Variants in ERC1 observed in about 807,000 individuals in gnomAD.
ERC1 encodes ELKS/RAB6-interacting/CAST family member 1.
Under a neutral mutation model 132.0 loss-of-function variants are expected in ERC1, and 56 were observed. The ratio of observed to expected loss-of-function variants is 0.42; its 90% CI spans 0.34 to 0.53. The LOEUF is 0.53. Ranked by LOEUF, ERC1 falls within the 20% of genes least tolerant of loss-of-function variation. ERC1 has a pLI of 0.03. For synonymous variants in ERC1, 478 were observed against 476.1 expected (o/e 1.00, Z -0.05); for missense variants, 1,202 against 1,349.9 (o/e 0.89, Z 1.72).
At chr12:1,100,037 A>G (rs549751126) in intron 3 of ERC1, among the ~76,000 whole-genome samples, 2 of 151,576 alleles carry the variant, frequency 1.3e-5, no homozygotes, top group Non-Finnish European at 2.9e-5. Flanking sequence ...TTTAGTAGAG[A>G]TAAGATTTTA....
At chr12:1,429,485 A>G (rs1041691497) in intron 17 of ERC1, among the ~76,000 whole-genome samples, 1 of 152,234 alleles carries the variant, frequency 6.6e-6, no homozygotes, top group African/African-American at 2.4e-5. Flanking sequence ...GAATAATTCT[A>G]TGTGATGTGA....
chr12:1,241,776 C>T (rs1368485246), intron 13 of ERC1, among the ~76,000 whole-genome samples: 1 of 151,468 alleles, frequency 6.6e-6, no homozygotes. Flanking sequence ...TACATAATCA[C>T]ACAGAAGTTT....
At chr12:1,115,323 G>T (rs1441539887) in intron 6 of ERC1, among the ~76,000 whole-genome samples, 1 of 152,126 alleles carries the variant, frequency 6.6e-6, no homozygotes, top group Non-Finnish European at 1.5e-5. Flanking sequence ...ATTAAAAGTG[G>T]CTTTTTAAGA....
chr12:1,043,353 A>G (rs1485951023), intron 2 of ERC1, among the ~76,000 whole-genome samples: 1 of 152,072 alleles, frequency 6.6e-6, no homozygotes. Context: ...TGTACAGAGT[A>G]TTTTCAAGAG....
At chr12:1,420,956 T>C (rs1353496212) in intron 17 of ERC1, among the ~76,000 whole-genome samples, 3 of 151,598 alleles carry the variant, frequency 2.0e-5, no homozygotes, top group Non-Finnish European at 4.4e-5. Flanking sequence ...CATTCTATTA[T>C]TGTATTTAAA....
At chr12:1,064,326 A>G (rs1034678298) in intron 2 of ERC1, among the ~76,000 whole-genome samples, 2 of 151,806 alleles carry the variant, frequency 1.3e-5, no homozygotes, top group African/African-American at 4.8e-5. Context: ...TCTTGGCCTC[A>G]AGCAATCCTA....
intron 18 of ERC1, among the ~76,000 whole-genome samples, chr12:1,449,783 GAC>G (rs2093383669): frequency 6.6e-6 from 1 of 151,986 alleles, no homozygotes. Flanking sequence ...TATAATTATT[GAC>G]ACAGTAAAGT....
chr12:1,237,909 G>C (rs528578586), intron 13 of ERC1, among the ~76,000 whole-genome samples: 1 of 152,314 alleles, frequency 6.6e-6, no homozygotes, highest in Admixed American at 6.5e-5. Context: ...TTACTGGAGA[G>C]ATTTGGAGGG....
At chr12:1,279,458 C>T (rs1162762485) in intron 14 of ERC1, among the ~76,000 whole-genome samples, 1 of 152,034 alleles carries the variant, frequency 6.6e-6, no homozygotes, top group Admixed American at 6.5e-5. Context: ...TATTACTGTC[C>T]TGGAAGTCCA....
At chr12:994,889 G>A (rs1020961460) in intron 1 of ERC1, among the ~76,000 whole-genome samples, 1 of 152,142 alleles carries the variant, frequency 6.6e-6, no homozygotes, top group Non-Finnish European at 1.5e-5. Context: ...GAGGTCAGGG[G>A]TTCGAGACCA....
intron 15 of ERC1, among the ~76,000 whole-genome samples, chr12:1,342,878 A>G (rs990095419): frequency 1.3e-5 from 2 of 152,212 alleles, no homozygotes; most frequent in African/African-American, 2.4e-5. Flanking sequence ...ATGTGATCCA[A>G]TCCATATTTC....
intron 15 of ERC1, among the ~76,000 whole-genome samples, chr12:1,302,855 C>T (rs535541870): frequency 2.1e-4 from 32 of 151,912 alleles, no homozygotes; most frequent in East Asian, 3.9e-4. Context: ...CCCAGCTACT[C>T]GGGAGGCTGA....
At chr12:1,389,773 G>A (rs73026429) in intron 16 of ERC1, among the ~76,000 whole-genome samples, 4,691 of 152,240 alleles carry the variant, frequency 0.031, 83 homozygotes, top group Middle Eastern at 0.071. Context: ...GTCTTGAAAA[G>A]CACTCCCTCA....
intron 15 of ERC1, among the ~76,000 whole-genome samples, chr12:1,319,588 C>T (rs927452263): frequency 3.3e-5 from 5 of 152,024 alleles, no homozygotes; most frequent in Non-Finnish European, 7.4e-5. Flanking sequence ...CTGGTCAGTC[C>T]CATAAATTTT....
intron 15 of ERC1, among the ~76,000 whole-genome samples, chr12:1,365,744 G>C (rs1265895886): frequency 6.6e-6 from 1 of 152,130 alleles, no homozygotes; most frequent in East Asian, 1.9e-4. Flanking sequence ...TCAAGTTTAG[G>C]AACCAAGACT....
Position 1,141,804 on chromosome 12 carries a change from T to A in ERC1, c.1737+17T>A, listed in dbSNP as rs1949886147. The A allele has an allele frequency of 2.6e-6, 4 of 1,535,012 alleles. No individual in the cohort carries two copies. In the East Asian group the frequency reaches 9.4e-5, roughly 36 times the overall value. Reference sequence around the variant, plus strand: ...CAGAAGAAGGTAAGGTACAGGTGTTTCGAGTTCAGTGGCCCATTCCTCATA... The same window carrying A: ...CAGAAGAAGGTAAGGTACAGGTGTTACGAGTTCAGTGGCCCATTCCTCATA... On this transcript the variant is annotated intron_variant, in intron 8 of 18. Coordinates refer to ENST00000360905, the MANE Select transcript of ERC1 (RefSeq NM_178040.4).
At chr12:1,029,567 A>G (rs1022864448) in intron 2 of ERC1, among the ~76,000 whole-genome samples, 7 of 152,074 alleles carry the variant, frequency 4.6e-5, no homozygotes, top group Non-Finnish European at 1.0e-4. Flanking sequence ...GGGCTTTGCA[A>G]TTTGAGAGCT....
intron 17 of ERC1, chr12:1,443,201 AT>A (rs1324328314): frequency 6.6e-6 from 1 of 152,110 alleles, no homozygotes; most frequent in Non-Finnish European, 1.5e-5. Context: ...ACCCGGCCAA[AT>A]AATTACTTCT....
At chr12:1,024,656 C>T (rs1244860086) in intron 1 of ERC1, among the ~76,000 whole-genome samples, 1 of 151,718 alleles carries the variant, frequency 6.6e-6, no homozygotes, top group Non-Finnish European at 1.5e-5. Flanking sequence ...TGTTACTTGA[C>T]CTAAGCCAAT....
Sources: gnomAD v4.1 joint callset for allele counts (sites outside exome capture counted in the v4.1 genomes callset) on GRCh38, gnomAD v4.1.1 for gene constraint, MANE v1.5 for transcripts, NCBI Gene and HGNC (gene_info 2026-07-23, HGNC 2026-07-21) for gene names.